The following SURF4 variants were observed in gnomAD, a reference collection of about 807,000 sequenced individuals.
SURF4 encodes the protein surfeit 4.
SURF4 carries 3 observed loss-of-function variants against 30.0 expected under a neutral mutation model. That is an observed-to-expected ratio of 0.10 (90% CI 0.05 to 0.26). SURF4 has a LOEUF of 0.26. Among genes scored for constraint, SURF4 ranks in the 10% least tolerant of loss-of-function variants. SURF4 has a pLI of 1.00. For missense variants in SURF4, 217 were observed against 350.8 expected, an observed-to-expected ratio of 0.62 and a Z score of 3.05; for synonymous variants, 143 against 139.9, an observed-to-expected ratio of 1.02 and a Z score of -0.16.
intron 5 of SURF4, among the ~76,000 whole-genome samples, chr9:133,364,475 G>C (rs1298009427): frequency 2.0e-5 from 3 of 152,140 alleles, no homozygotes; most frequent in Admixed American, 6.5e-5. Flanking sequence ...CAGATCACGA[G>C]GGGTCAGGAG....
upstream of SURF4, among the ~76,000 whole-genome samples, chr9:133,376,923 C>T (rs2130252183): frequency 6.6e-6 from 1 of 152,306 alleles, no homozygotes; most frequent in Non-Finnish European, 1.5e-5. Context: ...AAAAACACCC[C>T]TGCAGCGTGG....
chr9:133,376,131 G>A (rs1837923339), upstream of SURF4: 17 of 1,206,052 alleles, frequency 1.4e-5, no homozygotes, highest in Non-Finnish European at 1.7e-5. Flanking sequence ...GCCTTAAAGG[G>A]GCCGCGCGCC....
At chr9:133,375,666 G>A (rs1052926008) in intron 1 of SURF4, among the ~76,000 whole-genome samples, 4 of 152,144 alleles carry the variant, frequency 2.6e-5, no homozygotes, top group Admixed American at 6.5e-5. Flanking sequence ...TGGCTGGAGG[G>A]TGGGGGCGGC....
intron 5 of SURF4, 60 bp downstream of exon 5, chr9:133,364,780 G>T (rs1277464429): frequency 1.3e-6 from 2 of 1,565,180 alleles, no homozygotes; most frequent in Non-Finnish European, 1.7e-6. Context: ...CAGGGAGGGG[G>T]TGGGGGAGGG....
At chr9:133,368,402 G>A (rs1040676676) in intron 1 of SURF4, among the ~76,000 whole-genome samples, 3 of 152,364 alleles carry the variant, frequency 2.0e-5, no homozygotes, top group African/African-American at 4.8e-5. Flanking sequence ...CAGGGCTGGC[G>A]CTTCCCAGCC....
chr9:133,373,064 G>A (rs1207996075), intron 1 of SURF4, among the ~76,000 whole-genome samples: 2 of 152,234 alleles, frequency 1.3e-5, no homozygotes, highest in African/African-American at 4.8e-5. Context: ...CTTGGGTTTT[G>A]TATGTGAGCA....
rs1837070521 is a variant in SURF4 at position 133,364,843 on chromosome 9, AAAG to A, written c.537_539del (p.Phe180del). The A allele has an allele frequency of 2.5e-6, 4 of 1,613,970 alleles. No homozygotes were observed. Among genetic ancestry groups the A allele is most frequent in the East Asian group, 2.2e-5 (1 of 44,870 alleles). On this transcript the variant is annotated inframe_deletion, in exon 5 of 6. Coordinates refer to ENST00000371989, the MANE Select transcript of SURF4 (RefSeq NM_033161.4). ...TCAGGCAAGTAGGAATACTTACAGAAAAGAAGCTGGCGTCAAAGTGAAGGAGGG... is the reference window on the plus strand; with the variant it reads ...TCAGGCAAGTAGGAATACTTACAGAAAAGCTGGCGTCAAAGTGAAGGAGGG...
At position 133,366,116 on chromosome 9, in the gene SURF4, A is replaced by C; in HGVS notation, c.313-88T>G. The C allele has an allele frequency of 9.6e-6, 13 of 1,349,956 alleles. No homozygotes were observed. In the South Asian group the frequency reaches 1.5e-4, roughly 16 times the overall value. The allele number at this position is 1,349,956 out of a possible 1,614,324, so 83.6% of individuals were successfully genotyped here. A position where few individuals can be genotyped will look rare whatever the true frequency, so the allele number is the denominator to read the frequency against. On this transcript the variant is annotated intron_variant, in intron 3 of 5. Transcript: ENST00000371989. The stretch of plus-strand genomic sequence containing the variant: ...TCATAATACATTAGGCCGTCTCTCC[A>C]ATGTCAGCTGGAGTCTAAAACACAC...
At chr9:133,369,789 C>T (rs2130173088) in intron 1 of SURF4, among the ~76,000 whole-genome samples, 6 of 152,256 alleles carry the variant, frequency 3.9e-5, no homozygotes, top group Non-Finnish European at 7.3e-5. Flanking sequence ...GGCCTCACAT[C>T]GTGGCCCAGC....
rs199692237 is a variant in SURF4, at chr9:133,367,575, G to A, written c.49-130C>T. ...AAGGCAAGAGCTCTTGTCAGCCCCGGTGCCTTCCCAGGGCAGACTAGGGGG... is the reference window on the plus strand; with the variant it reads ...AAGGCAAGAGCTCTTGTCAGCCCCGATGCCTTCCCAGGGCAGACTAGGGGG... On this transcript the variant is annotated intron_variant, in intron 1 of 5. Transcript: ENST00000371989. The A allele has an allele frequency of 7.1e-6, 11 of 1,539,488 alleles. No individual in the cohort carries two copies. In the Admixed American group the frequency reaches 9.7e-5, roughly 14 times the overall value.
In SURF4 at chr9:133,367,290, G is replaced by C. The variant is rs2130138759; in HGVS notation, c.204C>G (p.Ser68=). Reference sequence around the variant, plus strand: ...GTCCCAGCAAGTTGAGGAAGACGAAGGACGAGGCCAGCAGGTAGCCGCAGT... The same window carrying C: ...GTCCCAGCAAGTTGAGGAAGACGAACGACGAGGCCAGCAGGTAGCCGCAGT... ...TWNCGYLLAS[S]FVFLNLLGQL... is the part of the protein sequence containing the mutation. The change falls in exon 2 of 6, where the codon TCC becomes TCG. Residue 68 remains serine, a synonymous_variant. Coordinates refer to ENST00000371989, the MANE Select transcript of SURF4 (RefSeq NM_033161.4). 2 of 1,614,238 alleles carry C rather than the reference G, an allele frequency of 1.2e-6. No individual in the cohort carries two copies. Among genetic ancestry groups the C allele is most frequent in the Admixed American group, 3.3e-5 (2 of 60,034 alleles).
At chr9:133,366,722 G>T in intron 2 of SURF4, 47 bp from the exon 3 acceptor site, 1 of 1,576,782 alleles carries the variant, frequency 6.3e-7, no homozygotes, top group East Asian at 2.3e-5. Flanking sequence ...GGGTGCCGGC[G>T]GGGAGCACTG....
At chr9:133,368,492 G>A (rs2130159575) in intron 1 of SURF4, among the ~76,000 whole-genome samples, 8,923 of 152,302 alleles carry the variant, frequency 0.059, 847 homozygotes, top group African/African-American at 0.2. Flanking sequence ...CATGAAGCTG[G>A]TACCGCTAAT....
chr9:133,370,157 G>T (rs2130177207), intron 1 of SURF4, among the ~76,000 whole-genome samples: 4 of 152,212 alleles, frequency 2.6e-5, no homozygotes, highest in African/African-American at 9.7e-5. Context: ...CACAGCCCAC[G>T]AGATTGAGGC....
chr9:133,375,745 G>A (rs1837869640), intron 1 of SURF4, among the ~76,000 whole-genome samples, 177 bp downstream of exon 1: 1 of 152,094 alleles, frequency 6.6e-6, no homozygotes, highest in Admixed American at 6.5e-5. Flanking sequence ...TGGGCCCGGA[G>A]GCCGGGTTTG....
In SURF4 at chr9:133,366,831, A is replaced by G. The variant is rs2130133494; in HGVS notation, c.236-156T>C. ...CTTCTGGAAGAATTAATGATAGGCA[A>G]GGACCACACATGGTAAGCTGACTAG... On this transcript the variant is annotated intron_variant, in intron 2 of 5. Coordinates refer to ENST00000371989, the MANE Select transcript of SURF4 (RefSeq NM_033161.4). 1.4e-4 allele frequency among the ~76,000 whole-genome samples: 21 copies of G among 152,302 alleles called. No homozygotes were observed. The South Asian group carries it at 4.3e-3, about 32-fold the overall frequency.
chr9:133,371,083 ACT>A, intron 1 of SURF4: 1 of 985,458 alleles, frequency 1.0e-6, no homozygotes, highest in Non-Finnish European at 1.2e-6. Context: ...TCCAGTGATC[ACT>A]GTCACAGCCA....
At position 133,371,200 on chromosome 9, in the gene SURF4, G is replaced by A. The variant is rs2130186930; in HGVS notation, c.49-3755C>T. The A allele has an allele frequency of 7.7e-6, 7 of 903,248 alleles. No individual in the cohort carries two copies. In the South Asian group the frequency reaches 2.0e-4, roughly 26 times the overall value. 56.0% of individuals were successfully genotyped at this position (903,248 alleles called of 1,614,324 possible). A position where few individuals can be genotyped will look rare whatever the true frequency, so the allele number is the denominator to read the frequency against. ...CAAATTCGTGGTGAATGTGAACATC[G>A]ACGAAAAAGGCAGGTCAGATTTCCT... On this transcript the variant is annotated intron_variant, in intron 1 of 5. Transcript: ENST00000371989.
Position 133,375,908 on chromosome 9 carries a change from C to T in SURF4, c.48+14G>A, listed in dbSNP as rs1837890100. The T allele has an allele frequency of 8.2e-7, 1 of 1,224,580 alleles. No homozygotes were observed. Among genetic ancestry groups the T allele is most frequent in the African/African-American group, 1.6e-5 (1 of 63,890 alleles). The allele number at this position is 1,224,580 out of a possible 1,614,324, so 75.9% of individuals were successfully genotyped here. ...GTCGGGACCGGGGCCGGGGGAGGAG[C>T]CCGCAGGCCGCACCTGGTCGGCGAA... On this transcript the variant is annotated intron_variant, in intron 1 of 5. Transcript: ENST00000371989.
Sources: allele counts gnomAD v4.1 joint callset (sites outside exome capture counted in the v4.1 genomes callset), GRCh38; gene constraint gnomAD v4.1.1; transcripts MANE v1.5; gene names NCBI Gene and HGNC (gene_info 2026-07-23, HGNC 2026-07-21).